Variants in GAA observed in about 807,000 individuals in gnomAD.
GAA encodes the protein lysosomal alpha-glucosidase.
Under a neutral mutation model 103.9 loss-of-function variants are expected in GAA, and 88 were observed. That is an observed-to-expected ratio of 0.85 (90% CI 0.71 to 1.01). The LOEUF (loss-of-function observed/expected upper bound fraction) is 1.01, where lower values mean the gene tolerates loss of function less well. Among genes scored for constraint, GAA ranks in the 50% least tolerant of loss-of-function variants. The probability of loss-of-function intolerance (pLI) is 0.00; values close to 1 mark genes in which losing one functional copy is unlikely to be tolerated. For missense variants in GAA, 1,350 were observed against 1,305.3 expected, an observed-to-expected ratio of 1.03 and a Z score of -0.53; for synonymous variants, 572 against 563.1, an observed-to-expected ratio of 1.02 and a Z score of -0.22.
At chr17:80,111,942 C>G in intron 11 of GAA, 41 bp from the exon 12 acceptor site, 1 of 1,561,288 alleles carries the variant, frequency 6.4e-7, no homozygotes, top group Non-Finnish European at 8.8e-7. Flanking sequence ...TGGAGCCTGC[C>G]GGGAGGAAGC....
intron 15 of GAA, among the ~76,000 whole-genome samples, chr17:80,116,451 G>A (rs1425711978): frequency 6.6e-6 from 1 of 152,228 alleles, no homozygotes; most frequent in Admixed American, 6.5e-5. Context: ...CAGGAAACAG[G>A]ACAGGGCAGA....
At position 80,118,674 on chromosome 17, in the gene GAA, G is replaced by C. The variant is rs377286472; in HGVS notation, c.2668G>C (p.Val890Leu). 1.6e-3 allele frequency: 2,584 copies of C among 1,612,768 alleles called. 40 individuals carry two copies. The South Asian group carries it at 0.026, about 16-fold the overall frequency. The change falls in exon 19 of 20, where the codon GTA (valine) becomes CTA (leucine). Residue 890 changes from valine (V) to leucine (L), a missense_variant. Coordinates refer to ENST00000302262, the MANE Select transcript of GAA (RefSeq NM_000152.5). ...ARNNTIVNEL[V>L]RVTSEGAGLQ... The stretch of plus-strand genomic sequence containing the variant: ...CCAGAACACGATCGTGAATGAGCTG[G>C]TACGTGTGACCAGTGAGGGAGCTGG...
rs945687469 is a variant in GAA, at chr17:80,104,336, T to A, written c.-32-219T>A. ...TTTGATTTGTAACATTTTAGCAGAC[T>A]GTGCAAGTGCTCTGCACTCCCCTGC... On this transcript the variant is annotated intron_variant, in intron 1 of 19. Coordinates refer to ENST00000302262, the MANE Select transcript of GAA (RefSeq NM_000152.5). This position sits in a 1 kb window ranked among gnomAD's most constrained non-coding sequence, Gnocchi z 4.0. Among the ~76,000 whole-genome samples the A allele has an allele frequency of 1.3e-5, 2 of 152,194 alleles. No individual in the cohort carries two copies. The highest frequency in any genetic ancestry group is 2.9e-5 in the Non-Finnish European group (2 of 68,022).
At chr17:80,117,389 A>G (rs1454608794) in intron 16 of GAA, among the ~76,000 whole-genome samples, 1 of 152,106 alleles carries the variant, frequency 6.6e-6, no homozygotes, top group Non-Finnish European at 1.5e-5. Flanking sequence ...TGGCATACCC[A>G]GGCCTCTCAG....
intron 2 of GAA, 142 bp downstream of exon 2, chr17:80,105,274 T>C (rs1161229070): frequency 1.3e-5 from 11 of 834,692 alleles, no homozygotes; most frequent in Non-Finnish European, 2.0e-5. Context: ...GAGCAGACAA[T>C]GGCAGCGCCC....
intron 15 of GAA, among the ~76,000 whole-genome samples, chr17:80,115,670 G>A (rs1010817261): frequency 2.0e-5 from 3 of 152,146 alleles, no homozygotes; most frequent in Admixed American, 6.5e-5. Context: ...TTTCAGACTG[G>A]ACATTTTAAA....
chr17:80,110,694 C>T (rs751304413), intron 9 of GAA, 33 bp from the exon 10 acceptor site: 53 of 1,581,330 alleles, frequency 3.4e-5, no homozygotes, highest in African/African-American at 5.4e-5. Flanking sequence ...TGGGTGGGGC[C>T]GGGTCTCCCC....
intron 3 of GAA, among the ~76,000 whole-genome samples, chr17:80,107,187 T>C (rs970829171): frequency 1.3e-5 from 2 of 152,088 alleles, no homozygotes; most frequent in African/African-American, 2.4e-5. Context: ...GGCCACAAGC[T>C]CCTAGGCCTG....
rs768397968 is a variant in GAA at position 80,112,659 on chromosome 17, C to T, written c.1836C>T (p.His612=). The change falls in exon 13 of 20, where the codon CAC becomes CAT. Residue 612 remains histidine (H), a synonymous_variant. Coordinates refer to ENST00000302262, the MANE Select transcript of GAA (RefSeq NM_000152.5). The part of the protein sequence containing the change: ...TFAGHGRYAG[H]WTGDVWSSWE... The stretch of plus-strand genomic sequence containing the variant: ...CTGGCCACGGCCGATACGCCGGCCA[C>T]TGGACGGGGGACGTGTGGAGCTCCT... 6.2e-7 allele frequency: 1 copy of T among 1,612,674 alleles called. No homozygotes were observed. Among genetic ancestry groups the T allele is most frequent in the South Asian group, 1.1e-5 (1 of 90,998 alleles).
intron 19 of GAA, 82 bp from the exon 20 acceptor site, chr17:80,119,190 C>T (rs2039427628): frequency 9.6e-6 from 13 of 1,359,694 alleles, no homozygotes; most frequent in Non-Finnish European, 1.4e-5. Context: ...ATCTCGGGGC[C>T]AGATGGAGCC....
Position 80,105,852 on chromosome 17 carries a change from C to G in GAA, c.650C>G (p.Pro217Arg). 1 of 1,606,534 alleles carries G rather than the reference C, an allele frequency of 6.2e-7. No individual in the cohort carries two copies. The change falls in exon 3 of 20, where the codon CCC becomes CGC. Residue 217 changes from proline (P) to arginine (R), a missense_variant. Pro to Arg is a moderately radical substitution (Grantham distance 103). Coordinates refer to ENST00000302262, the MANE Select transcript of GAA (RefSeq NM_000152.5). Reference sequence around the variant, plus strand: ...TACAGCGTGGAGTTCTCCGAGGAGCCCTTCGGGGTGATCGTGCGCCGGCAG... The same window carrying G: ...TACAGCGTGGAGTTCTCCGAGGAGCGCTTCGGGGTGATCGTGCGCCGGCAG... ...PLYSVEFSEEPFGVIVRRQLD... is the reference protein window; with the variant it reads ...PLYSVEFSEERFGVIVRRQLD...
rs368492669 is a variant in GAA at position 80,110,034 on chromosome 17, C to T, written c.1416C>T (p.Thr472=). Residue 472 remains threonine, a synonymous_variant, in exon 9 of 20, where the codon ACC becomes ACT. Transcript: ENST00000302262. ...LRRGVFITNE[T]GQPLIGKVWP... is the part of the protein sequence containing the mutation. ...GGGGGGTTTTCATCACCAACGAGAC[C>T]GGCCAGCCGCTGATTGGGAAGGTAG... 78 of 1,613,124 alleles carry T rather than the reference C, an allele frequency of 4.8e-5. No individual in the cohort carries two copies. Among genetic ancestry groups the T allele is most frequent in the Middle Eastern group, 1.6e-4 (1 of 6,062 alleles).
intron 7 of GAA, 24 bp downstream of exon 7, chr17:80,108,631 A>AG (rs779971620): frequency 6.2e-7 from 1 of 1,612,566 alleles, no homozygotes; most frequent in Non-Finnish European, 8.5e-7. Context: ...GTGGCAGGGG[A>AG]GGCAAGGGGC....
intron 17 of GAA, 85 bp downstream of exon 17, chr17:80,117,834 C>A (rs1207688399): frequency 3.3e-5 from 46 of 1,403,006 alleles, no homozygotes; most frequent in Admixed American, 4.8e-5. Flanking sequence ...GGGGGAGAGG[C>A]CCAGGTGGGG....
intron 2 of GAA, 71 bp from the exon 3 acceptor site, chr17:80,105,678 T>G (rs1427790957): frequency 6.3e-7 from 1 of 1,576,208 alleles, no homozygotes; most frequent in East Asian, 2.2e-5. Flanking sequence ...TGACCTGTCC[T>G]TGGCGTGCGG....
chr17:80,103,164 C>G (rs1376502622), intron 1 of GAA, among the ~76,000 whole-genome samples: 22 of 152,304 alleles, frequency 1.4e-4, no homozygotes, highest in Non-Finnish European at 2.9e-5. Flanking sequence ...TCACTTCTTC[C>G]TGGTATGTGA....
At chr17:80,109,830 C>G (rs2039186633) in intron 8 of GAA, 115 bp from the exon 9 acceptor site, 1 of 746,782 alleles carries the variant, frequency 1.3e-6, no homozygotes, top group Admixed American at 2.1e-5. Context: ...GGCAGGCATG[C>G]TGTACACACG....
In GAA at chr17:80,119,290, T is replaced by C; in HGVS notation, c.2818T>C (p.Ser940Pro). Residue 940 changes from serine to proline, a missense_variant, in exon 20 of 20, where the codon TCG (serine) becomes CCG (proline). Transcript: ENST00000302262. ...PDTKVLDICVSLLMGEQFLVS... is the reference protein window; with the variant it reads ...PDTKVLDICVPLLMGEQFLVS... ...TTTCCAGGTCCTGGACATCTGTGTCTCGCTGTTGATGGGAGAGCAGTTTCT... is the reference window on the plus strand; with the variant it reads ...TTTCCAGGTCCTGGACATCTGTGTCCCGCTGTTGATGGGAGAGCAGTTTCT... 6.2e-7 allele frequency: 1 copy of C among 1,614,028 alleles called. No individual in the cohort carries two copies. The highest frequency in any genetic ancestry group is 8.5e-7 in the Non-Finnish European group (1 of 1,179,926).
intron 16 of GAA, 50 bp downstream of exon 16, chr17:80,117,159 C>T: frequency 1.3e-6 from 2 of 1,585,558 alleles, no homozygotes; most frequent in African/African-American, 1.3e-5. Flanking sequence ...CAGAGCAGCC[C>T]TCCCACCTGC....
Sources: allele counts gnomAD v4.1 joint callset (sites outside exome capture counted in the v4.1 genomes callset), GRCh38; gene constraint gnomAD v4.1.1; non-coding constraint Gnocchi (gnomAD v3.1); transcripts MANE v1.5; gene names NCBI Gene and HGNC (gene_info 2026-07-23, HGNC 2026-07-21).